HIF1AN: variants seen among roughly 807,000 people sequenced by gnomAD.
The protein encoded by HIF1AN is hypoxia inducible factor 1 subunit alpha inhibitor, also known as hypoxia-inducible factor 1-alpha inhibitor.
In HIF1AN, 21 loss-of-function variants were observed where a neutral mutation model predicts 47.7. That is an observed-to-expected ratio of 0.44 (90% CI 0.31 to 0.63). HIF1AN has a LOEUF of 0.63. Ranked by LOEUF, HIF1AN falls within the 30% of genes least tolerant of loss-of-function variation. The pLI is 0.07. For synonymous variants in HIF1AN, 152 were observed against 155.9 expected, an observed-to-expected ratio of 0.98 and a Z score of 0.18; for missense variants, 320 against 432.7, an observed-to-expected ratio of 0.74 and a Z score of 2.31.
At chr10:100,543,804 C>A (rs1237733886) in intron 3 of HIF1AN, among the ~76,000 whole-genome samples, 1 of 152,192 alleles carries the variant, frequency 6.6e-6, no homozygotes, top group Non-Finnish European at 1.5e-5. Flanking sequence ...AATCTCCTGA[C>A]CTCATGATCC....
In HIF1AN at chr10:100,551,431, C is replaced by G. The variant is rs1376097424; in HGVS notation, c.*3294C>G. Reference sequence around the variant, plus strand: ...CCCAGTATGGGGAGACACTCCCTCCCTCTGCCCCCAGAGACTCCTGGGCTA... The same window carrying G: ...CCCAGTATGGGGAGACACTCCCTCCGTCTGCCCCCAGAGACTCCTGGGCTA... On this transcript the variant is annotated 3_prime_UTR_variant, in exon 8 of 8. Coordinates refer to ENST00000299163, the MANE Select transcript of HIF1AN (RefSeq NM_017902.3). 1 of 152,220 alleles carries G rather than the reference C, an allele frequency of 6.6e-6. No homozygotes were observed. The highest frequency in any genetic ancestry group is 2.4e-5 in the African/African-American group (1 of 41,440). The allele number at this position is 152,220 out of a possible 1,614,324, so 9.4% of individuals were successfully genotyped here.
Position 100,536,633 on chromosome 10 carries a change from G to T in HIF1AN, c.400G>T (p.Asp134Tyr), listed in dbSNP as rs776914556. The change falls in exon 2 of 8, where the codon GAT becomes TAT. Residue 134 changes from aspartate (D) to tyrosine (Y), a missense_variant. Asp to Tyr is a radical substitution (Grantham distance 160). Coordinates refer to ENST00000299163, the MANE Select transcript of HIF1AN (RefSeq NM_017902.3). ...TCATGAGTTCGTTGAGAAACTGCAG[G>T]ATATACAGCAGCGAGGAGGGGAAGA... is the stretch of plus-strand genomic sequence containing the variant. ...KFHEFVEKLQ[D>Y]IQQRGGEERL... The T allele has an allele frequency of 3.1e-6, 5 of 1,614,066 alleles. No individual in the cohort carries two copies. In the South Asian group the frequency reaches 4.4e-5, roughly 14 times the overall value.
Position 100,547,267 on chromosome 10 carries a change from A to G in HIF1AN, c.1005+17A>G, listed in dbSNP as rs955165780. Reference sequence around the variant, plus strand: ...CCACAAGAGGTAGGTGACTGCCCCAAGGTGGCTCAGTGGGTGGGTTGACCA... The same window carrying G: ...CCACAAGAGGTAGGTGACTGCCCCAGGGTGGCTCAGTGGGTGGGTTGACCA... On this transcript the variant is annotated intron_variant, in intron 7 of 7. Transcript: ENST00000299163. 6.4e-6 allele frequency: 10 copies of G among 1,558,490 alleles called. No homozygotes were observed. Among genetic ancestry groups the G allele is most frequent in the African/African-American group, 2.7e-5 (2 of 73,820 alleles).
chr10:100,545,407 C>T (rs1006729936), intron 4 of HIF1AN: 1 of 310,276 alleles, frequency 3.2e-6, no homozygotes, highest in African/African-American at 2.1e-5. Flanking sequence ...GTGTATGTCT[C>T]CATTGGATTT....
At chr10:100,546,721 G>T in intron 6 of HIF1AN, 140 bp downstream of exon 6, 1 of 695,692 alleles carries the variant, frequency 1.4e-6, no homozygotes, top group Non-Finnish European at 2.5e-6. Flanking sequence ...AAAGGGACAG[G>T]ATTGAATTGG....
chr10:100,542,614 C>T, intron 3 of HIF1AN, among the ~76,000 whole-genome samples: 1 of 152,118 alleles, frequency 6.6e-6, no homozygotes, highest in Non-Finnish European at 1.5e-5. Flanking sequence ...CCCGGCCTCC[C>T]AAAGTGCTGG....
intron 3 of HIF1AN, among the ~76,000 whole-genome samples, chr10:100,543,648 C>T (rs998455098): frequency 1.3e-5 from 2 of 152,210 alleles, no homozygotes; most frequent in Non-Finnish European, 2.9e-5. Context: ...TCTCAGCTCA[C>T]TGCAAGCTCT....
chr10:100,539,647 A>G (rs1489736059), intron 2 of HIF1AN, among the ~76,000 whole-genome samples: 1 of 152,242 alleles, frequency 6.6e-6, no homozygotes, highest in East Asian at 1.9e-4. Flanking sequence ...TTGCTGTGGC[A>G]GAAGGAAAGA....
In HIF1AN at chr10:100,550,622, T is replaced by G. The variant is rs1255637973; in HGVS notation, c.*2485T>G. On this transcript the variant is annotated 3_prime_UTR_variant, in exon 8 of 8. Coordinates refer to ENST00000299163, the MANE Select transcript of HIF1AN (RefSeq NM_017902.3). ...ATGGTGCAGAATATACAGCTCAGGG[T>G]GAAAGTTCTTCTGGGCTCCTGCTAA... 6.6e-6 allele frequency: 1 copy of G among 152,126 alleles called. No individual in the cohort carries two copies. Among genetic ancestry groups the G allele is most frequent in the Non-Finnish European group, 1.5e-5 (1 of 68,040 alleles). The allele number at this position is 152,126 out of a possible 1,614,324, so 9.4% of individuals were successfully genotyped here. A position where few individuals can be genotyped will look rare whatever the true frequency, so the allele number is the denominator to read the frequency against.
At chr10:100,536,332 A>T in intron 1 of HIF1AN, 79 bp from the exon 2 acceptor site, 1 of 1,516,646 alleles carries the variant, frequency 6.6e-7, no homozygotes. Context: ...GTTGAGAAGT[A>T]GTTGGGATCA....
At chr10:100,544,691 G>T (rs1279016521) in intron 3 of HIF1AN, among the ~76,000 whole-genome samples, 2 of 152,192 alleles carry the variant, frequency 1.3e-5, no homozygotes, top group Non-Finnish European at 2.9e-5. Context: ...TCCAGTAAGG[G>T]CAGCAGCCTT....
At position 100,558,245 on chromosome 10, in the gene HIF1AN, G is replaced by A. The variant is rs1589757511; in HGVS notation, c.*10108G>A. The stretch of plus-strand genomic sequence containing the variant: ...CAGCATTCTGTCAGGAGAACCTTAG[G>A]AATTGTGACCAGAAGTCAAAGTTGT... On this transcript the variant is annotated 3_prime_UTR_variant, in exon 8 of 8. Transcript: ENST00000299163. 1 of 152,354 alleles carries A rather than the reference G, an allele frequency of 6.6e-6. No homozygotes were observed. Among genetic ancestry groups the A allele is most frequent in the East Asian group, 1.9e-4 (1 of 5,184 alleles). The allele number at this position is 152,354 out of a possible 1,614,324, so 9.4% of individuals were successfully genotyped here.
rs187156140 is a variant in HIF1AN, at chr10:100,542,705, A to C, written c.577+1923A>C. On this transcript the variant is annotated intron_variant, in intron 3 of 7. Coordinates refer to ENST00000299163, the MANE Select transcript of HIF1AN (RefSeq NM_017902.3). Reference sequence around the variant, plus strand: ...TAATACATTCATGGAGTTCGAATTCAAAAGGTGTAAATAGGTACATAGTGA... The same window carrying C: ...TAATACATTCATGGAGTTCGAATTCCAAAGGTGTAAATAGGTACATAGTGA... Among the ~76,000 whole-genome samples, 505 of 152,266 alleles carry C rather than the reference A, an allele frequency of 3.3e-3. 2 individuals carry two copies. Among genetic ancestry groups the C allele is most frequent in the African/African-American group, 0.011 (468 of 41,550 alleles).
chr10:100,536,343 T>A (rs1289208184), intron 1 of HIF1AN, 68 bp from the exon 2 acceptor site: 5 of 1,572,348 alleles, frequency 3.2e-6, no homozygotes, highest in Non-Finnish European at 4.3e-6. Context: ...GTTGGGATCA[T>A]GGAGGCCAAC....
Position 100,547,023 on chromosome 10 carries a change from A to G in HIF1AN, c.895-117A>G, listed in dbSNP as rs1019133800. ...CCAAAGTGCTGGGATTATAGGCCTG[A>G]GTCACCGTGCCCGGCAAGAATTGGG... On this transcript the variant is annotated intron_variant, in intron 6 of 7. Transcript: ENST00000299163. 3 of 731,444 alleles carry G rather than the reference A, an allele frequency of 4.1e-6. No homozygotes were observed. The African/African-American group carries it at 5.3e-5, about 13-fold the overall frequency. The allele number at this position is 731,444 out of a possible 1,614,324, so 45.3% of individuals were successfully genotyped here. A position where few individuals can be genotyped will look rare whatever the true frequency, so the allele number is the denominator to read the frequency against.
chr10:100,535,953 G>A lies in HIF1AN; in HGVS notation c.-6G>A. 16 of 1,547,072 alleles carry A rather than the reference G, an allele frequency of 1.0e-5. No homozygotes were observed. Among genetic ancestry groups the A allele is most frequent in the Non-Finnish European group, 1.4e-5 (16 of 1,146,758 alleles). On this transcript the variant is annotated 5_prime_UTR_variant, in exon 1 of 8. Transcript: ENST00000299163. ...GTTCCGGTGGGGGCCGTCCCTGGCG[G>A]CGGAGATGGCGGCGACAGCGGCGGA...
In HIF1AN at chr10:100,552,568, G is replaced by A. The variant is rs1327523814; in HGVS notation, c.*4431G>A. On this transcript the variant is annotated 3_prime_UTR_variant, in exon 8 of 8. Coordinates refer to ENST00000299163, the MANE Select transcript of HIF1AN (RefSeq NM_017902.3). ...GTCTTCTCAAACTGTTGGCTCTAAAGGGATGTTCCAGCCTCCCTCTCCAGA... is the reference window on the plus strand; with the variant it reads ...GTCTTCTCAAACTGTTGGCTCTAAAAGGATGTTCCAGCCTCCCTCTCCAGA... 6.6e-6 allele frequency: 1 copy of A among 152,350 alleles called. No individual in the cohort carries two copies. Among genetic ancestry groups the A allele is most frequent in the African/African-American group, 2.4e-5 (1 of 41,422 alleles). The allele number at this position is 152,350 out of a possible 1,614,324, so 9.4% of individuals were successfully genotyped here.
At chr10:100,541,129 G>A (rs926012933) in intron 3 of HIF1AN, among the ~76,000 whole-genome samples, 1 of 152,164 alleles carries the variant, frequency 6.6e-6, no homozygotes, top group Admixed American at 6.5e-5. Flanking sequence ...TGAGAGAGGG[G>A]AATTGCTTGA....
chr10:100,556,674 A>T lies in HIF1AN; in HGVS notation c.*8537A>T, dbSNP rs1843216936. 6.6e-6 allele frequency: 1 copy of T among 152,366 alleles called. No homozygotes were observed. Among genetic ancestry groups the T allele is most frequent in the East Asian group, 1.9e-4 (1 of 5,188 alleles). 9.4% of individuals were successfully genotyped at this position (152,366 alleles called of 1,614,324 possible). ...TCACAAGGGTTTGTGTGATGCACTG[A>T]CAAGAACAGAGGCTTTGGAGGTGAC... On this transcript the variant is annotated 3_prime_UTR_variant, in exon 8 of 8. Coordinates refer to ENST00000299163, the MANE Select transcript of HIF1AN (RefSeq NM_017902.3).
Sources: gnomAD v4.1 joint callset for allele counts (sites outside exome capture counted in the v4.1 genomes callset) on GRCh38, gnomAD v4.1.1 for gene constraint, MANE v1.5 for transcripts, NCBI Gene and HGNC (gene_info 2026-07-23, HGNC 2026-07-21) for gene names.